Variants in CNTNAP2 observed in about 807,000 individuals in gnomAD.
CNTNAP2 encodes the protein contactin-associated protein-like 2.
CNTNAP2 carries 98 observed loss-of-function variants against 155.2 expected under a neutral mutation model. That is an observed-to-expected ratio of 0.63 (90% CI 0.54 to 0.75). The LOEUF is 0.75. CNTNAP2 is among the 30% of genes least tolerant of loss of function. CNTNAP2 has a pLI of 0.00. For missense variants in CNTNAP2, 1,727 were observed against 1,688.1 expected (o/e 1.02, Z -0.40); for synonymous variants, 651 against 631.2 (o/e 1.03, Z -0.47).
At chr7:147,902,519 A>G (rs2116749712) in intron 13 of CNTNAP2, among the ~76,000 whole-genome samples, 1 of 152,266 alleles carries the variant, frequency 6.6e-6, no homozygotes, top group Middle Eastern at 3.4e-3. Flanking sequence ...CAAGAAGTAT[A>G]CACTGAATCC....
rs142880045 is a variant in CNTNAP2 at position 147,101,400 on chromosome 7, G to C, written c.551-6747G>C. On this transcript the variant is annotated intron_variant, in intron 4 of 23. Transcript: ENST00000361727. ...GAGGAGCATGCAGGTGAGCTGGAGC[G>C]AGCGCTTTTGGGCCCTGGCTCCACG... 1.9e-3 allele frequency among the ~76,000 whole-genome samples: 288 copies of C among 152,308 alleles called. 3 individuals carry two copies. Among genetic ancestry groups the C allele is most frequent in the African/African-American group, 6.6e-3 (276 of 41,564 alleles).
chr7:146,751,316 C>T (rs549166769), intron 1 of CNTNAP2, among the ~76,000 whole-genome samples: 3 of 152,174 alleles, frequency 2.0e-5, no homozygotes, highest in Non-Finnish European at 2.9e-5. Context: ...AACATCCTTA[C>T]GTGAGAATAG....
chr7:147,558,861 G>A (rs1277044921), intron 11 of CNTNAP2, among the ~76,000 whole-genome samples: 1 of 151,982 alleles, frequency 6.6e-6, no homozygotes, highest in African/African-American at 2.4e-5. Flanking sequence ...TCCTGCCTTA[G>A]CCTCCTGAAT....
chr7:147,106,164 TA>T (rs1800761737), intron 4 of CNTNAP2, among the ~76,000 whole-genome samples: 1 of 152,108 alleles, frequency 6.6e-6, no homozygotes, highest in Admixed American at 6.6e-5. Flanking sequence ...TAAAATATGC[TA>T]AAGGTGTATA....
intron 13 of CNTNAP2, among the ~76,000 whole-genome samples, chr7:147,697,064 A>AT (rs1796171498): frequency 6.6e-6 from 1 of 151,994 alleles, no homozygotes; most frequent in African/African-American, 2.4e-5. Context: ...GTGACTGAGA[A>AT]TTTTTCCAAA....
At chr7:146,857,074 T>G (rs1000970169) in intron 3 of CNTNAP2, among the ~76,000 whole-genome samples, 3 of 152,188 alleles carry the variant, frequency 2.0e-5, no homozygotes, top group African/African-American at 7.2e-5. Flanking sequence ...TTGATAACTA[T>G]ATACTTACCT....
intron 3 of CNTNAP2, among the ~76,000 whole-genome samples, chr7:146,948,506 CA>C (rs1026077218): frequency 3.3e-5 from 5 of 151,300 alleles, no homozygotes; most frequent in African/African-American, 4.9e-5. Flanking sequence ...GTTAGTCTGA[CA>C]AAAAAAATAG....
At chr7:147,435,505 G>A (rs1437949641) in intron 10 of CNTNAP2, among the ~76,000 whole-genome samples, 1 of 152,230 alleles carries the variant, frequency 6.6e-6, no homozygotes, top group East Asian at 1.9e-4. Flanking sequence ...ATTGCAGCAA[G>A]AAGCAGACAA....
intron 18 of CNTNAP2, among the ~76,000 whole-genome samples, chr7:148,209,207 C>T (rs994608464): frequency 6.6e-6 from 1 of 152,028 alleles, no homozygotes; most frequent in African/African-American, 2.4e-5. Context: ...GTCCTTGCAG[C>T]CCCGACCTCC....
intron 1 of CNTNAP2, among the ~76,000 whole-genome samples, chr7:146,419,087 T>G (rs1795975627): frequency 6.6e-6 from 1 of 152,150 alleles, no homozygotes; most frequent in Non-Finnish European, 1.5e-5. Context: ...GAAAATGATT[T>G]TTTTATAAAG....
chr7:148,146,739 C>A (rs972613470), intron 16 of CNTNAP2, among the ~76,000 whole-genome samples: 1 of 152,022 alleles, frequency 6.6e-6, no homozygotes, highest in Non-Finnish European at 1.5e-5. Context: ...CTCATTACAC[C>A]AACAATAGGT....
At chr7:147,868,757 T>C (rs1376103003) in intron 13 of CNTNAP2, among the ~76,000 whole-genome samples, 1 of 152,232 alleles carries the variant, frequency 6.6e-6, no homozygotes, top group Non-Finnish European at 1.5e-5. Context: ...CAAGGCTCCA[T>C]GGGCATGGGA....
intron 1 of CNTNAP2, among the ~76,000 whole-genome samples, chr7:146,144,001 A>T (rs1278867862): frequency 6.6e-6 from 1 of 151,800 alleles, no homozygotes; most frequent in Admixed American, 6.6e-5. Flanking sequence ...ACTTCAGGTG[A>T]TCCTCCCACC....
chr7:147,851,403 C>G (rs973010336), intron 13 of CNTNAP2, among the ~76,000 whole-genome samples: 10 of 152,020 alleles, frequency 6.6e-5, no homozygotes, highest in African/African-American at 2.4e-4. Flanking sequence ...ACCATTTGAC[C>G]CAGCCATCCC....
chr7:148,256,569 G>A (rs913617254), intron 20 of CNTNAP2, among the ~76,000 whole-genome samples: 3 of 152,112 alleles, frequency 2.0e-5, no homozygotes, highest in Non-Finnish European at 2.9e-5. Flanking sequence ...TTCCATAGAG[G>A]ACAGTGCCTT....
At chr7:147,499,452 C>T (rs1231957372) in intron 11 of CNTNAP2, among the ~76,000 whole-genome samples, 1 of 152,070 alleles carries the variant, frequency 6.6e-6, no homozygotes, top group Non-Finnish European at 1.5e-5. Flanking sequence ...TGGCCTGAAC[C>T]CGGGAGGCAG....
intron 1 of CNTNAP2, among the ~76,000 whole-genome samples, chr7:146,141,750 T>C (rs1797884749): frequency 1.3e-5 from 2 of 152,148 alleles, no homozygotes; most frequent in South Asian, 4.1e-4. Context: ...TAGGCATTAT[T>C]ACATTTTCAC....
chr7:146,592,403 T>C (rs1164597884), intron 1 of CNTNAP2, among the ~76,000 whole-genome samples: 4 of 152,336 alleles, frequency 2.6e-5, no homozygotes, highest in South Asian at 4.1e-4. Flanking sequence ...CCAAAGTTAC[T>C]ACACACTGCA....
intron 12 of CNTNAP2, among the ~76,000 whole-genome samples, chr7:147,575,774 G>A (rs1472531722): frequency 1.3e-5 from 2 of 151,714 alleles, no homozygotes; most frequent in Non-Finnish European, 2.9e-5. Context: ...GTTAAGGAGT[G>A]TCATAATTCT....
Sources: gnomAD v4.1 joint callset for allele counts (sites outside exome capture counted in the v4.1 genomes callset) on GRCh38, gnomAD v4.1.1 for gene constraint, MANE v1.5 for transcripts, NCBI Gene and HGNC (gene_info 2026-07-23, HGNC 2026-07-21) for gene names.